Variants in CLCNKB observed in about 807,000 individuals in gnomAD.
CLCNKB encodes chloride channel protein ClC-Kb.
In CLCNKB, 74 loss-of-function variants were observed where a neutral mutation model predicts 83.8. That is an observed-to-expected ratio of 0.88 (90% CI 0.73 to 1.07). The LOEUF is 1.07. Among genes scored for constraint, CLCNKB ranks in the 50% least tolerant of loss-of-function variants. The probability of loss-of-function intolerance (pLI) is 0.00; values close to 1 mark genes in which losing one functional copy is unlikely to be tolerated. For missense variants in CLCNKB, 798 were observed against 893.6 expected, an observed-to-expected ratio of 0.89 and a Z score of 1.36; for synonymous variants, 358 against 356.6, an observed-to-expected ratio of 1.00 and a Z score of -0.04.
intron 4 of CLCNKB, 63 bp downstream of exon 4, chr1:16,046,726 G>A: frequency 1.3e-6 from 2 of 1,595,242 alleles, no homozygotes; most frequent in Middle Eastern, 1.7e-4. Flanking sequence ...CCAGGGGGGA[G>A]TCGGGAAGGG....
chr1:16,053,698 AC>A lies in CLCNKB; in HGVS notation c.1683del (p.Asp561GlufsTer11). On this transcript the variant is annotated frameshift_variant, in exon 16 of 20. Coordinates refer to ENST00000375679, the MANE Select transcript of CLCNKB (RefSeq NM_000085.5). LOFTEE classifies it high-confidence loss of function. ...MNHSITTLAK[D>X]MPLEEVVKVV... ...CACAGCATCACCACACTGGCCAAGG[AC>A]ATGCCACTGGAGGAGGTGGTCAAGG... 6.2e-7 allele frequency: 1 copy of A among 1,613,944 alleles called. No individual in the cohort carries two copies. The highest frequency in any genetic ancestry group is 8.5e-7 in the Non-Finnish European group (1 of 1,180,010).
At chr1:16,051,684 C>T in intron 13 of CLCNKB, 26 bp from the exon 14 acceptor site, 1 of 1,608,870 alleles carries the variant, frequency 6.2e-7, no homozygotes, top group Non-Finnish European at 8.5e-7. Context: ...CAGCCTGGCT[C>T]CCCCTCACCC....
Position 16,052,000 on chromosome 1 carries a change from G to A in CLCNKB, c.1408+180G>A, listed in dbSNP as rs55756465. Among the ~76,000 whole-genome samples, 20,125 of 152,038 alleles carry A rather than the reference G, an allele frequency of 0.13. 1,694 individuals carry two copies. Among genetic ancestry groups the A allele is most frequent in the African/African-American group, 0.22 (8,950 of 41,422 alleles). The stretch of plus-strand genomic sequence containing the variant: ...ATTCCCCGGGGCCCATCACTCCCTC[G>A]TGGCTCCTGTCCCCAGCCCTGCGGC... On this transcript the variant is annotated intron_variant, in intron 14 of 19. Coordinates refer to ENST00000375679, the MANE Select transcript of CLCNKB (RefSeq NM_000085.5).
chr1:16,047,060 C>G (rs1413423136), intron 4 of CLCNKB, among the ~76,000 whole-genome samples: 1 of 152,206 alleles, frequency 6.6e-6, no homozygotes, highest in Non-Finnish European at 1.5e-5. Flanking sequence ...TATCCTGCCA[C>G]AGCCTTCTGC....
At chr1:16,056,347 A>G (rs1455083135) in intron 18 of CLCNKB, 75 bp from the exon 19 acceptor site, 17 of 1,436,232 alleles carry the variant, frequency 1.2e-5, no homozygotes, top group Non-Finnish European at 1.7e-5. Flanking sequence ...CCTGGCTCAG[A>G]GGCGTGGTGG....
In CLCNKB at chr1:16,051,518, C is replaced by A; in HGVS notation, c.1268C>A (p.Ala423Asp). The change falls in exon 13 of 20, where the codon GCC becomes GAC. Residue 423 changes from alanine to aspartate, a missense_variant. By Grantham distance (126) the Ala-to-Asp change is moderately radical. Coordinates refer to ENST00000375679, the MANE Select transcript of CLCNKB (RefSeq NM_000085.5). ...CTGGCCACCACCATCCCCATGCCTGCCGGGTACTTCATGCCCATCTTTGTC... is the reference window on the plus strand; with the variant it reads ...CTGGCCACCACCATCCCCATGCCTGACGGGTACTTCATGCCCATCTTTGTC... Reference protein sequence around the residue: ...LILATTIPMPAGYFMPIFVYG... With the variant: ...LILATTIPMPDGYFMPIFVYG... The A allele has an allele frequency of 6.2e-7, 1 of 1,614,170 alleles. No homozygotes were observed. The highest frequency in any genetic ancestry group is 8.5e-7 in the Non-Finnish European group (1 of 1,180,018).
chr1:16,052,143 C>A lies in CLCNKB; in HGVS notation c.1409-55C>A, dbSNP rs561801989. On this transcript the variant is annotated intron_variant, in intron 14 of 19. Coordinates refer to ENST00000375679, the MANE Select transcript of CLCNKB (RefSeq NM_000085.5). ...TGGTCGCAGCCGTGCCAGCCTTGCC[C>A]TAACATGAGGCTGGCCCCTGGCCTG... 1.5e-5 allele frequency: 24 copies of A among 1,605,904 alleles called. No homozygotes were observed. In the South Asian group the frequency reaches 2.5e-4, roughly 17 times the overall value.
Position 16,052,307 on chromosome 1 carries a change from G to A in CLCNKB, c.1518G>A (p.Leu506=). 1 of 1,613,146 alleles carries A rather than the reference G, an allele frequency of 6.2e-7. No individual in the cohort carries two copies. Among genetic ancestry groups the A allele is most frequent in the Non-Finnish European group, 8.5e-7 (1 of 1,180,044 alleles). Reference sequence around the variant, plus strand: ...CACTGCCCGTGCTGATGGCGGTGCTGGCAGCCAACGCCATTGCACAGAGCT... The same window carrying A: ...CACTGCCCGTGCTGATGGCGGTGCTAGCAGCCAACGCCATTGCACAGAGCT... The part of the protein sequence containing the change: ...VHALPVLMAV[L]AANAIAQSCQ... The change falls in exon 15 of 20, where the codon CTG becomes CTA. Residue 506 remains leucine (L), a synonymous_variant. Coordinates refer to ENST00000375679, the MANE Select transcript of CLCNKB (RefSeq NM_000085.5).
intron 14 of CLCNKB, 82 bp from the exon 15 acceptor site, chr1:16,052,116 C>T: frequency 6.4e-7 from 1 of 1,556,056 alleles, no homozygotes; most frequent in Non-Finnish European, 8.8e-7. Flanking sequence ...CACCTTAGCC[C>T]CTGGTCGCAG....
rs775182876 is a variant in CLCNKB at position 16,049,130 on chromosome 1, C to G, written c.666C>G (p.Phe222Leu). Residue 222 changes from phenylalanine to leucine, a missense_variant, in exon 8 of 20, where the codon TTC becomes TTG. Transcript: ENST00000375679. Reference sequence around the variant, plus strand: ...CAGTGTCGCCCCCAGGCGTCCTGTTCAGCATCGAGGTCATGTCTTCCCACT... The same window carrying G: ...CAGTGTCGCCCCCAGGCGTCCTGTTGAGCATCGAGGTCATGTCTTCCCACT... ...VFAAPFSGVL[F>L]SIEVMSSHFS... 1.2e-6 allele frequency: 2 copies of G among 1,613,548 alleles called. No homozygotes were observed. The highest frequency in any genetic ancestry group is 2.2e-5 in the South Asian group (2 of 91,050).
intron 1 of CLCNKB, 108 bp from the exon 2 acceptor site, chr1:16,044,378 C>CACACACACACACACAG: frequency 1.4e-6 from 1 of 739,306 alleles, no homozygotes; most frequent in Non-Finnish European, 2.4e-6. Context: ...CACACACACA[C>CACACACACACACACAG]GCACAATCTT....
intron 15 of CLCNKB, 117 bp downstream of exon 15, chr1:16,052,528 A>G (rs2023328262): frequency 1.4e-5 from 15 of 1,074,568 alleles, no homozygotes; most frequent in African/African-American, 1.6e-5. Context: ...ATGGGGGCTG[A>G]CACACAGCTG....
At chr1:16,044,360 C>CAT in intron 1 of CLCNKB, 126 bp from the exon 2 acceptor site, 1 of 686,206 alleles carries the variant, frequency 1.5e-6, no homozygotes, top group Non-Finnish European at 2.6e-6. Flanking sequence ...TTCACATACA[C>CAT]ACACACACAC....
intron 2 of CLCNKB, 38 bp from the exon 3 acceptor site, chr1:16,045,520 T>A (rs777646118): frequency 1.2e-6 from 2 of 1,609,588 alleles, no homozygotes; most frequent in South Asian, 2.2e-5. Context: ...CTGTGCCTCC[T>A]GCCCCACCCT....
rs1478661602 is a variant in CLCNKB at position 16,050,861 on chromosome 1, C to T, written c.1054-14C>T. The T allele has an allele frequency of 1.3e-5, 21 of 1,611,188 alleles. No homozygotes were observed. The highest frequency in any genetic ancestry group is 1.8e-5 in the Non-Finnish European group (21 of 1,179,856). Reference sequence around the variant, plus strand: ...GGGGCCCCTCATGTCCAGTTCCCACCTGCCCCGCCACAGCTGTCCATGAAG... The same window carrying T: ...GGGGCCCCTCATGTCCAGTTCCCACTTGCCCCGCCACAGCTGTCCATGAAG... On this transcript the variant is annotated splice_polypyrimidine_tract_variant and intron_variant, in intron 11 of 19. Transcript: ENST00000375679.
At chr1:16,049,268 C>A (rs1320812326) in intron 8 of CLCNKB, 23 bp downstream of exon 8, 2 of 1,612,090 alleles carry the variant, frequency 1.2e-6, no homozygotes, top group Admixed American at 1.7e-5. Context: ...GGCTGCCTGA[C>A]CCTGGCCCTG....
At chr1:16,047,089 C>T (rs74403616) in intron 4 of CLCNKB, among the ~76,000 whole-genome samples, 3,287 of 152,254 alleles carry the variant, frequency 0.022, 62 homozygotes, top group Non-Finnish European at 0.029. Context: ...GCGGGAGGAA[C>T]GTGAACAACT....
chr1:16,044,261 C>T (rs1264381180), intron 1 of CLCNKB, among the ~76,000 whole-genome samples: 2 of 152,052 alleles, frequency 1.3e-5, no homozygotes, highest in Admixed American at 1.3e-4. Flanking sequence ...AGGAATCCCA[C>T]CCCCATCCCA....
chr1:16,051,857 G>A (rs1219525110), intron 14 of CLCNKB, 37 bp downstream of exon 14: 8 of 1,535,678 alleles, frequency 5.2e-6, no homozygotes, highest in African/African-American at 2.7e-5. Flanking sequence ...GGGCAATGTC[G>A]TGCGGCTGGG....
Sources: allele counts gnomAD v4.1 joint callset (sites outside exome capture counted in the v4.1 genomes callset), GRCh38; gene constraint gnomAD v4.1.1; transcripts MANE v1.5; gene names NCBI Gene and HGNC (gene_info 2026-07-23, HGNC 2026-07-21).